The following FOXP1 variants were observed in gnomAD, a reference collection of about 807,000 sequenced individuals.
The protein encoded by FOXP1 is forkhead box protein P1.
Under a neutral mutation model 98.2 loss-of-function variants are expected in FOXP1, and 15 were observed. That is an observed-to-expected ratio of 0.15 (90% confidence interval 0.10 to 0.24). The LOEUF (loss-of-function observed/expected upper bound fraction) is 0.24. Ranked by LOEUF, FOXP1 falls within the 10% of genes least tolerant of loss-of-function variation. FOXP1 has a pLI of 1.00. For missense variants in FOXP1, 633 were observed against 848.5 expected (o/e 0.75, Z 3.15); for synonymous variants, 371 against 314.5 (o/e 1.18, Z -1.90).
chr3:71,569,963 G>A (rs1333967712), intron 2 of FOXP1, among the ~76,000 whole-genome samples: 1 of 152,014 alleles, frequency 6.6e-6, no homozygotes, highest in African/African-American at 2.4e-5. Flanking sequence ...TTTAAAGACA[G>A]GGTTTCACTG....
chr3:71,262,889 G>A (rs2069294614), intron 5 of FOXP1, among the ~76,000 whole-genome samples: 1 of 152,184 alleles, frequency 6.6e-6, no homozygotes, highest in African/African-American at 2.4e-5. Context: ...TTGAGCCGTT[G>A]CAAAGGTGCT....
At chr3:71,549,670 T>G (rs1038654815) in intron 2 of FOXP1, among the ~76,000 whole-genome samples, 6 of 152,104 alleles carry the variant, frequency 3.9e-5, no homozygotes, top group African/African-American at 1.4e-4. Context: ...CCACCACACC[T>G]AGCCCAAAAC....
At chr3:71,263,789 G>A (rs935998120) in intron 5 of FOXP1, among the ~76,000 whole-genome samples, 1 of 151,396 alleles carries the variant, frequency 6.6e-6, no homozygotes, top group Non-Finnish European at 1.5e-5. Context: ...TGTCACCCAC[G>A]CTGGAGTGCA....
chr3:71,081,703 G>T (rs1428930719), intron 7 of FOXP1, among the ~76,000 whole-genome samples: 1 of 152,154 alleles, frequency 6.6e-6, no homozygotes, highest in Non-Finnish European at 1.5e-5. Flanking sequence ...AATTATGAAT[G>T]AAAAATACAA....
chr3:71,049,648 G>C (rs1403067593), intron 9 of FOXP1, among the ~76,000 whole-genome samples: 1 of 152,038 alleles, frequency 6.6e-6, no homozygotes, highest in Non-Finnish European at 1.5e-5. Flanking sequence ...AAGGGGGTGG[G>C]GGGAGCCTGA....
In FOXP1 at chr3:71,304,945, C is replaced by G. The variant is rs1015475560; in HGVS notation, c.-72-5065G>C. The stretch of plus-strand genomic sequence containing the variant: ...CTTCTTTTAGAGCCTGGACATAATT[C>G]CCACACCCTGAAATATCTTCACACA... On this transcript the variant is annotated intron_variant, in intron 4 of 20. Transcript: ENST00000649528. Among the ~76,000 whole-genome samples, 7 of 152,132 alleles carry G rather than the reference C, an allele frequency of 4.6e-5. 1 individual carries two copies. The highest frequency in any genetic ancestry group is 4.6e-4 in the Admixed American group (7 of 15,274).
chr3:71,090,626 A>C (rs1218474534), intron 7 of FOXP1, among the ~76,000 whole-genome samples: 1 of 152,216 alleles, frequency 6.6e-6, no homozygotes, highest in African/African-American at 2.4e-5. Context: ...CAAATAAAAA[A>C]TAACTGTGCA....
intron 4 of FOXP1, among the ~76,000 whole-genome samples, chr3:71,342,194 A>G (rs1321385455): frequency 6.6e-6 from 1 of 152,232 alleles, no homozygotes; most frequent in Admixed American, 6.5e-5. Context: ...AATCTATTTT[A>G]CAAATCATTT....
At chr3:71,574,627 G>C (rs2047588320) in intron 2 of FOXP1, among the ~76,000 whole-genome samples, 1 of 152,084 alleles carries the variant, frequency 6.6e-6, no homozygotes, top group Non-Finnish European at 1.5e-5. Flanking sequence ...ACTTCTGCCA[G>C]CAGGGTTAAT....
chr3:71,192,550 T>G (rs1182358744), intron 6 of FOXP1, among the ~76,000 whole-genome samples: 1 of 152,262 alleles, frequency 6.6e-6, no homozygotes, highest in African/African-American at 2.4e-5. Context: ...GCTTTCTTCT[T>G]CTACTCAATG....
intron 3 of FOXP1, among the ~76,000 whole-genome samples, chr3:71,397,651 G>C (rs910882528): frequency 6.6e-6 from 1 of 152,174 alleles, no homozygotes; most frequent in Admixed American, 6.5e-5. Context: ...TACTATGGGA[G>C]AAAACAATAG....
intron 5 of FOXP1, among the ~76,000 whole-genome samples, chr3:71,236,550 T>C (rs2066792591): frequency 6.6e-6 from 1 of 152,184 alleles, no homozygotes; most frequent in Non-Finnish European, 1.5e-5. Context: ...ATGTGTAATT[T>C]TAAAATTTCT....
At chr3:71,324,993 G>C (rs989549267) in intron 4 of FOXP1, among the ~76,000 whole-genome samples, 5 of 151,700 alleles carry the variant, frequency 3.3e-5, no homozygotes, top group African/African-American at 1.2e-4. Flanking sequence ...TGGACCCAGC[G>C]CTGCTCTACA....
chr3:71,453,119 G>C (rs1050014163), intron 3 of FOXP1, among the ~76,000 whole-genome samples: 7 of 151,994 alleles, frequency 4.6e-5, no homozygotes, highest in African/African-American at 1.5e-4. Context: ...AGCTTACCTC[G>C]CATTACTTCC....
At chr3:71,492,186 T>C (rs1162452315) in intron 3 of FOXP1, among the ~76,000 whole-genome samples, 2 of 152,140 alleles carry the variant, frequency 1.3e-5, no homozygotes, top group African/African-American at 2.4e-5. Flanking sequence ...GCACAGTGGC[T>C]CACACCTGTA....
At chr3:71,406,553 G>A (rs2082362938) in intron 3 of FOXP1, among the ~76,000 whole-genome samples, 1 of 151,346 alleles carries the variant, frequency 6.6e-6, no homozygotes, top group South Asian at 2.1e-4. Context: ...TCTCTCTTTA[G>A]CAGCCTTCTT....
intron 7 of FOXP1, among the ~76,000 whole-genome samples, chr3:71,056,921 A>T (rs893151227): frequency 1.3e-5 from 2 of 152,184 alleles, no homozygotes; most frequent in Non-Finnish European, 2.9e-5. Flanking sequence ...TTTTTCATGT[A>T]GCTAGTCCCT....
intron 6 of FOXP1, among the ~76,000 whole-genome samples, chr3:71,168,586 AC>A (rs2061496065): frequency 6.6e-6 from 1 of 152,244 alleles, no homozygotes; most frequent in Admixed American, 6.5e-5. Context: ...AAACAAAATA[AC>A]ATTTCCCATC....
intron 2 of FOXP1, among the ~76,000 whole-genome samples, chr3:71,541,079 C>T (rs1320514808): frequency 1.3e-5 from 2 of 152,212 alleles, no homozygotes; most frequent in Non-Finnish European, 2.9e-5. Flanking sequence ...TAACTTTGGA[C>T]AAGTCCCTTC....
Sources: allele counts gnomAD v4.1 joint callset (sites outside exome capture counted in the v4.1 genomes callset), GRCh38; gene constraint gnomAD v4.1.1; transcripts MANE v1.5; gene names NCBI Gene and HGNC (gene_info 2026-07-23, HGNC 2026-07-21).